The following TNFSF4 variants were observed in gnomAD, a reference collection of about 807,000 sequenced individuals.
TNFSF4 encodes tumor necrosis factor ligand superfamily member 4.
Under a neutral mutation model 7.3 loss-of-function variants are expected in TNFSF4, and 4 were observed. That is an observed-to-expected ratio of 0.55 (90% CI 0.27 to 1.25). TNFSF4 has a LOEUF of 1.25. Among genes scored for constraint, TNFSF4 ranks in the 50% most tolerant of loss-of-function variants. The pLI is 0.12. For missense variants in TNFSF4, 181 were observed against 208.8 expected (o/e 0.87, Z 0.82); for synonymous variants, 76 against 83.7 (o/e 0.91, Z 0.50).
the TNFSF4 span, among the ~76,000 whole-genome samples, chr1:173,324,448 G>A: frequency 1.3e-5 from 2 of 152,246 alleles, no homozygotes; most frequent in Non-Finnish European, 2.9e-5. Flanking sequence ...GGAAGAAACT[G>A]CATCAACTAA....
At chr1:173,374,413 T>C in the TNFSF4 span, among the ~76,000 whole-genome samples, 4 of 152,084 alleles carry the variant, frequency 2.6e-5, no homozygotes, top group African/African-American at 9.7e-5. Context: ...GCAGTTAAGG[T>C]GGCAGGAGTG....
At chr1:173,375,161 T>C in the TNFSF4 span, among the ~76,000 whole-genome samples, 1 of 152,212 alleles carries the variant, frequency 6.6e-6, no homozygotes, top group African/African-American at 2.4e-5. Context: ...TTTAGCCTCC[T>C]TGTCAAATTT....
At chr1:173,309,226 T>C in the TNFSF4 span, among the ~76,000 whole-genome samples, 4,185 of 152,100 alleles carry the variant, frequency 0.028, 115 homozygotes, top group East Asian at 0.14. Flanking sequence ...TTTTTTGTCT[T>C]ATTACACTGG....
At chr1:173,260,370 C>T in the TNFSF4 span, among the ~76,000 whole-genome samples, 2 of 152,154 alleles carry the variant, frequency 1.3e-5, no homozygotes, top group Non-Finnish European at 2.9e-5. Context: ...AAAACCATTA[C>T]CAGCCACTAC....
the TNFSF4 span, among the ~76,000 whole-genome samples, chr1:173,388,014 C>CT: frequency 6.6e-6 from 1 of 152,186 alleles, no homozygotes; most frequent in Non-Finnish European, 1.5e-5. Flanking sequence ...CTGAACTTCT[C>CT]TAAGTCTGTT....
the TNFSF4 span, among the ~76,000 whole-genome samples, chr1:173,421,628 T>G: frequency 6.6e-6 from 1 of 152,174 alleles, no homozygotes; most frequent in African/African-American, 2.4e-5. Flanking sequence ...CAAATTCTCA[T>G]GACTGATTTT....
At chr1:173,450,382 T>C in the TNFSF4 span, among the ~76,000 whole-genome samples, 12 of 152,176 alleles carry the variant, frequency 7.9e-5, no homozygotes, top group African/African-American at 2.9e-4. Flanking sequence ...TTTTACATAA[T>C]CTCTTCCAGA....
At chr1:173,219,877 T>G in the TNFSF4 span, among the ~76,000 whole-genome samples, 10 of 152,194 alleles carry the variant, frequency 6.6e-5, no homozygotes, top group Non-Finnish European at 1.5e-4. Context: ...AATGATACAA[T>G]GGACTTTGAG....
chr1:173,447,700 G>A, the TNFSF4 span, among the ~76,000 whole-genome samples: 2 of 152,110 alleles, frequency 1.3e-5, no homozygotes. Flanking sequence ...AACATAGTGA[G>A]ACATCAATAG....
At chr1:173,198,492 C>T (rs746547658) in intron 1 of TNFSF4, among the ~76,000 whole-genome samples, 1 of 152,152 alleles carries the variant, frequency 6.6e-6, no homozygotes, top group Non-Finnish European at 1.5e-5. Flanking sequence ...TGGCTCCCTC[C>T]GATAGTAAAT....
the TNFSF4 span, among the ~76,000 whole-genome samples, chr1:173,319,599 C>G: frequency 6.6e-6 from 1 of 152,182 alleles, no homozygotes; most frequent in Non-Finnish European, 1.5e-5. Flanking sequence ...ACACCTCATA[C>G]AGGAGAGTTC....
At chr1:173,214,236 G>A in the TNFSF4 span, among the ~76,000 whole-genome samples, 2 of 152,198 alleles carry the variant, frequency 1.3e-5, no homozygotes, top group African/African-American at 4.8e-5. Context: ...GAGGCTTAGA[G>A]AGATGAACTA....
the TNFSF4 span, among the ~76,000 whole-genome samples, chr1:173,352,442 G>C: frequency 1.3e-5 from 2 of 152,182 alleles, no homozygotes; most frequent in African/African-American, 2.4e-5. Flanking sequence ...ACAAAAGAGA[G>C]AAATTTTAAA....
At chr1:173,176,879 C>T in the TNFSF4 span, among the ~76,000 whole-genome samples, 1 of 152,140 alleles carries the variant, frequency 6.6e-6, no homozygotes, top group African/African-American at 2.4e-5. Flanking sequence ...GAAAAGAAAG[C>T]CAAATACCAC....
chr1:173,371,878 C>A, the TNFSF4 span, among the ~76,000 whole-genome samples: 1 of 152,186 alleles, frequency 6.6e-6, no homozygotes, highest in East Asian at 1.9e-4. Context: ...GACCACACGT[C>A]CCAACTTACA....
chr1:173,187,485 C>G (rs993061282), intron 2 of TNFSF4, among the ~76,000 whole-genome samples: 1 of 152,212 alleles, frequency 6.6e-6, no homozygotes, highest in African/African-American at 2.4e-5. Flanking sequence ...GACCTATCCA[C>G]AGCAGTTACT....
the TNFSF4 span, among the ~76,000 whole-genome samples, chr1:173,381,873 G>A: frequency 6.6e-6 from 1 of 152,136 alleles, no homozygotes; most frequent in Non-Finnish European, 1.5e-5. Context: ...GTTTGTAAAT[G>A]CACCAAGCAG....
the TNFSF4 span, among the ~76,000 whole-genome samples, chr1:173,401,719 A>G: frequency 1.2e-3 from 188 of 152,262 alleles, 1 homozygote; most frequent in Non-Finnish European, 1.8e-3. Flanking sequence ...CCACAGTCAC[A>G]TAAGTCAATT....
the TNFSF4 span, among the ~76,000 whole-genome samples, chr1:173,276,437 T>G: frequency 6.6e-6 from 1 of 152,114 alleles, no homozygotes; most frequent in South Asian, 2.1e-4. Flanking sequence ...AACACTATGA[T>G]GGCAGGTCAA....
Sources: gnomAD v4.1 joint callset for allele counts (sites outside exome capture counted in the v4.1 genomes callset) on GRCh38, gnomAD v4.1.1 for gene constraint, MANE v1.5 for transcripts, NCBI Gene and HGNC (gene_info 2026-07-23, HGNC 2026-07-21) for gene names.